The following FRMD4A variants were observed in gnomAD, a reference collection of about 807,000 sequenced individuals.
FRMD4A encodes FERM domain-containing protein 4A.
In FRMD4A, 29 loss-of-function variants were observed where a neutral mutation model predicts 129.1. The observed-to-expected ratio is 0.22, with a 90% confidence interval of 0.17 to 0.31. FRMD4A has a LOEUF of 0.31. Among genes scored for constraint, FRMD4A ranks in the 10% least tolerant of loss-of-function variants. The probability of loss-of-function intolerance (pLI) is 1.00; values close to 1 mark genes in which losing one functional copy is unlikely to be tolerated. For synonymous variants in FRMD4A, 634 were observed against 571.6 expected (o/e 1.11, Z -1.56); for missense variants, 1,272 against 1,375.8 (o/e 0.92, Z 1.19).
intron 5 of FRMD4A, among the ~76,000 whole-genome samples, chr10:13,786,084 G>A (rs552832668): frequency 3.8e-4 from 58 of 152,262 alleles, no homozygotes; most frequent in South Asian, 1.2e-3. Flanking sequence ...ATAAACATAC[G>A]TGTGCATGTG....
At chr10:13,738,768 G>A (rs780614748) in intron 11 of FRMD4A, among the ~76,000 whole-genome samples, 16 of 152,024 alleles carry the variant, frequency 1.1e-4, no homozygotes, top group East Asian at 3.9e-4. Flanking sequence ...TTACAGGCAC[G>A]TGCCACCACG....
At chr10:14,169,881 C>T (rs1841385977) in intron 2 of FRMD4A, among the ~76,000 whole-genome samples, 1 of 152,128 alleles carries the variant, frequency 6.6e-6, no homozygotes, top group South Asian at 2.1e-4. Context: ...GTCAAGCCTT[C>T]CACAGTCATC....
intron 2 of FRMD4A, among the ~76,000 whole-genome samples, chr10:13,894,721 C>G (rs1043844198): frequency 6.6e-5 from 10 of 152,234 alleles, no homozygotes; most frequent in Non-Finnish European, 7.3e-5. Flanking sequence ...TACTCAAATG[C>G]TGCCTCTTAG....
intron 12 of FRMD4A, among the ~76,000 whole-genome samples, chr10:13,717,845 GATAGA>G (rs1386277534): frequency 1.3e-5 from 2 of 151,904 alleles, no homozygotes; most frequent in Non-Finnish European, 2.9e-5. Context: ...ATGGGGATGG[GATAGA>G]AGAAAATGGA....
intron 3 of FRMD4A, among the ~76,000 whole-genome samples, chr10:13,858,056 G>C (rs2094237916): frequency 6.6e-6 from 1 of 152,310 alleles, no homozygotes; most frequent in South Asian, 2.1e-4. Context: ...TCATGAGATG[G>C]GGTAAGAAGG....
chr10:14,241,918 TTC>T (rs1192596784), intron 2 of FRMD4A, among the ~76,000 whole-genome samples: 1 of 152,004 alleles, frequency 6.6e-6, no homozygotes, highest in Non-Finnish European at 1.5e-5. Flanking sequence ...TGAGGATCTC[TTC>T]TGTTTTCCTA....
At chr10:13,859,503 G>A (rs2094263170) in intron 2 of FRMD4A, among the ~76,000 whole-genome samples, 1 of 152,154 alleles carries the variant, frequency 6.6e-6, no homozygotes, top group Admixed American at 6.5e-5. Flanking sequence ...TTCTAATAAG[G>A]GAGATGTAAA....
At chr10:13,771,978 G>A (rs1294910251) in intron 6 of FRMD4A, among the ~76,000 whole-genome samples, 1 of 151,514 alleles carries the variant, frequency 6.6e-6, no homozygotes, top group African/African-American at 2.4e-5. Context: ...GCTGGGTGTG[G>A]TGTCGCATGC....
intron 2 of FRMD4A, among the ~76,000 whole-genome samples, chr10:14,072,472 T>C (rs1473939190): frequency 6.6e-6 from 1 of 152,222 alleles, no homozygotes; most frequent in East Asian, 1.9e-4. Flanking sequence ...AAGATTAAAA[T>C]TCTGTGAGTT....
chr10:13,858,263 G>A (rs1465260266), intron 3 of FRMD4A, among the ~76,000 whole-genome samples: 1 of 152,050 alleles, frequency 6.6e-6, no homozygotes, highest in African/African-American at 2.4e-5. Context: ...GAGAAACCCC[G>A]TCTCAACTAA....
At chr10:13,959,482 A>T (rs2095432639) in intron 2 of FRMD4A, among the ~76,000 whole-genome samples, 1 of 72,248 alleles carries the variant, frequency 1.4e-5, no homozygotes, top group Admixed American at 2.0e-4. Context: ...AAAAAAAAAA[A>T]AAAAAAAAAA....
intron 2 of FRMD4A, among the ~76,000 whole-genome samples, chr10:14,286,643 C>T (rs1327119663): frequency 6.6e-6 from 1 of 152,122 alleles, no homozygotes; most frequent in Non-Finnish European, 1.5e-5. Context: ...TCCTGGTGTA[C>T]ACCTGTCTCC....
intron 2 of FRMD4A, among the ~76,000 whole-genome samples, chr10:14,011,149 G>A (rs2095680894): frequency 6.6e-6 from 1 of 152,212 alleles, no homozygotes; most frequent in Non-Finnish European, 1.5e-5. Context: ...GACTTTATCA[G>A]ATTACAGCAG....
intron 3 of FRMD4A, among the ~76,000 whole-genome samples, chr10:13,818,595 A>G (rs1181612624): frequency 6.6e-6 from 1 of 152,214 alleles, no homozygotes; most frequent in Non-Finnish European, 1.5e-5. Flanking sequence ...TGATCTCTTG[A>G]ATCTAGTCAG....
At chr10:13,917,298 TTTG>T (rs2095020614) in intron 2 of FRMD4A, among the ~76,000 whole-genome samples, 1 of 151,556 alleles carries the variant, frequency 6.6e-6, no homozygotes, top group African/African-American at 2.4e-5. Flanking sequence ...TTTTTTTTTT[TTTG>T]AGATGGAGAC....
chr10:13,764,488 G>C (rs2092206157), intron 6 of FRMD4A, among the ~76,000 whole-genome samples: 1 of 145,632 alleles, frequency 6.9e-6, no homozygotes, highest in Non-Finnish European at 1.5e-5. Context: ...CCTGGTGACA[G>C]AGAGACCCTG....
chr10:13,934,510 A>G (rs117523976), intron 2 of FRMD4A, among the ~76,000 whole-genome samples: 6,963 of 151,774 alleles, frequency 0.046, 243 homozygotes, highest in Non-Finnish European at 0.071. Flanking sequence ...GTCCTTTCAC[A>G]TTCATTAACC....
intron 2 of FRMD4A, among the ~76,000 whole-genome samples, chr10:14,214,027 T>C (rs961165972): frequency 8.5e-5 from 13 of 152,266 alleles, no homozygotes; most frequent in Non-Finnish European, 8.8e-5. Flanking sequence ...GCAGTTCCCC[T>C]GCACAAGCTC....
At chr10:14,033,095 T>C (rs1316989902) in intron 2 of FRMD4A, among the ~76,000 whole-genome samples, 1 of 152,072 alleles carries the variant, frequency 6.6e-6, no homozygotes, top group Admixed American at 6.6e-5. Flanking sequence ...TCACCTGAGG[T>C]CAGGAGTTCG....
Sources: allele counts gnomAD v4.1 joint callset (sites outside exome capture counted in the v4.1 genomes callset), GRCh38; gene constraint gnomAD v4.1.1; transcripts MANE v1.5; gene names NCBI Gene and HGNC (gene_info 2026-07-23, HGNC 2026-07-21).